The following SCFD2 variants were observed in gnomAD, a reference collection of about 807,000 sequenced individuals.
The protein encoded by SCFD2 is sec1 family domain containing 2, also known as sec1 family domain-containing protein 2.
SCFD2 carries 54 observed loss-of-function variants against 58.9 expected under a neutral mutation model. The ratio of observed to expected loss-of-function variants is 0.92; its 90% confidence interval spans 0.74 to 1.15. The LOEUF is 1.15. SCFD2 is among the 50% of genes most tolerant of loss of function. SCFD2 has a pLI of 0.00. For missense variants in SCFD2, 805 were observed against 836.6 expected (o/e 0.96, Z 0.47); for synonymous variants, 321 against 335.9 (o/e 0.96, Z 0.49).
chr4:53,032,316 T>C (rs1722635386), intron 5 of SCFD2, among the ~76,000 whole-genome samples: 2 of 152,236 alleles, frequency 1.3e-5, no homozygotes, highest in East Asian at 3.9e-4. Context: ...GAACAATCGG[T>C]ACCAGCCACT....
intron 2 of SCFD2, among the ~76,000 whole-genome samples, chr4:53,338,620 G>T (rs1321599829): frequency 9.8e-6 from 1 of 102,228 alleles, no homozygotes; most frequent in East Asian, 3.2e-4. Context: ...TCGCTCTGTC[G>T]CCCAGGCTGG....
chr4:53,353,170 T>C (rs879354076), intron 1 of SCFD2, among the ~76,000 whole-genome samples: 1 of 152,204 alleles, frequency 6.6e-6, no homozygotes, highest in East Asian at 1.9e-4. Flanking sequence ...TTCTTCCTTC[T>C]GGTGGGTTCG....
intron 4 of SCFD2, among the ~76,000 whole-genome samples, chr4:53,219,603 C>T (rs1728985484): frequency 6.6e-6 from 1 of 152,072 alleles, no homozygotes. Context: ...TGATGCCTTG[C>T]CCTGCTTCAG....
Position 53,057,542 on chromosome 4 carries a change from G to A in SCFD2, c.1561+87791C>T, listed in dbSNP as rs144891954. Among the ~76,000 whole-genome samples, 5 of 152,134 alleles carry A rather than the reference G, an allele frequency of 3.3e-5. No homozygotes were observed. The South Asian group carries it at 6.2e-4, about 19-fold the overall frequency. ...CAGAGAGGGGAACAACACACACCAC[G>A]GCCTGTTGAGGGGTGGGGGGTGAGG... On this transcript the variant is annotated intron_variant, in intron 5 of 8. Transcript: ENST00000401642.
chr4:52,965,796 A>G (rs1720950178), intron 5 of SCFD2, among the ~76,000 whole-genome samples: 1 of 152,188 alleles, frequency 6.6e-6, no homozygotes. Context: ...GGAGCTCACA[A>G]TTCATTCTTT....
chr4:52,987,702 G>T lies in SCFD2; in HGVS notation c.1562-66832C>A, dbSNP rs575800611. Among the ~76,000 whole-genome samples, 6 of 152,310 alleles carry T rather than the reference G, an allele frequency of 3.9e-5. 1 individual carries two copies. The South Asian group carries it at 1.2e-3, about 32-fold the overall frequency. ...CTCCAAGCAGTAGTATCTCTGTTCA[G>T]ATTCATTTATCTTGATTTTTTTCAT... On this transcript the variant is annotated intron_variant, in intron 5 of 8. Coordinates refer to ENST00000401642, the MANE Select transcript of SCFD2 (RefSeq NM_152540.4).
intron 4 of SCFD2, among the ~76,000 whole-genome samples, chr4:53,177,767 G>A (rs754132822): frequency 1.4e-4 from 21 of 152,294 alleles, no homozygotes; most frequent in East Asian, 5.8e-4. Context: ...AGAAAGCAGT[G>A]ACAGATGGCA....
chr4:52,879,258 C>T (rs1718549926), intron 8 of SCFD2, among the ~76,000 whole-genome samples: 2 of 152,168 alleles, frequency 1.3e-5, no homozygotes, highest in Non-Finnish European at 2.9e-5. Context: ...CATCTACCCA[C>T]CAGAATACCT....
At chr4:52,978,385 A>G (rs1292388324) in intron 5 of SCFD2, among the ~76,000 whole-genome samples, 1 of 152,160 alleles carries the variant, frequency 6.6e-6, no homozygotes, top group Non-Finnish European at 1.5e-5. Context: ...TCTAATTAGC[A>G]TCTGCTAGTA....
chr4:53,081,646 C>T (rs906970325), intron 5 of SCFD2, among the ~76,000 whole-genome samples: 15 of 152,076 alleles, frequency 9.9e-5, no homozygotes, highest in Admixed American at 2.0e-4. Context: ...TTTATAGGTT[C>T]TCTGTGTTGA....
At chr4:53,270,824 G>A (rs1208664695) in intron 4 of SCFD2, among the ~76,000 whole-genome samples, 2 of 152,130 alleles carry the variant, frequency 1.3e-5, no homozygotes, top group African/African-American at 2.4e-5. Context: ...TAAAAACACT[G>A]ATGGATAAAC....
chr4:52,962,141 T>G (rs1290713962), intron 5 of SCFD2, among the ~76,000 whole-genome samples: 3 of 152,190 alleles, frequency 2.0e-5, no homozygotes, highest in Non-Finnish European at 4.4e-5. Context: ...GTGGCCATGG[T>G]AATTCTTTAA....
intron 2 of SCFD2, among the ~76,000 whole-genome samples, chr4:53,333,478 T>C (rs1440418877): frequency 6.8e-6 from 1 of 147,930 alleles, no homozygotes; most frequent in Admixed American, 6.7e-5. Context: ...TTGACAAACC[T>C]GAGAAAAACA....
chr4:53,143,884 T>TTA (rs1476288364), intron 5 of SCFD2, among the ~76,000 whole-genome samples: 1 of 152,012 alleles, frequency 6.6e-6, no homozygotes, highest in Non-Finnish European at 1.5e-5. Context: ...CACATAGAAC[T>TTA]TTTAATAACT....
At position 53,366,049 on chromosome 4, in the gene SCFD2, G is replaced by T; in HGVS notation, c.-108C>A. ...GACTTTGACAGTCTCCACAGTACAC[G>T]TGGTCGGCCTCTGACACGCTCCCTG... On this transcript the variant is annotated 5_prime_UTR_variant, in exon 1 of 9. Transcript: ENST00000401642. The T allele has an allele frequency of 1.5e-6, 2 of 1,336,550 alleles. No homozygotes were observed. The highest frequency in any genetic ancestry group is 2.0e-6 in the Non-Finnish European group (2 of 990,790). 82.8% of individuals were successfully genotyped at this position (1,336,550 alleles called of 1,614,324 possible).
chr4:53,197,161 A>G (rs1335074506), intron 4 of SCFD2, among the ~76,000 whole-genome samples: 3 of 152,132 alleles, frequency 2.0e-5, no homozygotes, highest in Admixed American at 1.3e-4. Flanking sequence ...GGAACAGAGC[A>G]GCAACAACAT....
chr4:53,197,676 A>G (rs754245623), intron 4 of SCFD2, among the ~76,000 whole-genome samples: 3 of 151,604 alleles, frequency 2.0e-5, no homozygotes, highest in Non-Finnish European at 4.4e-5. Flanking sequence ...GTCATATTTC[A>G]AAAGCATGAA....
chr4:53,300,943 C>A (rs186739362), intron 3 of SCFD2, among the ~76,000 whole-genome samples: 2 of 151,992 alleles, frequency 1.3e-5, no homozygotes, highest in Non-Finnish European at 2.9e-5. Flanking sequence ...GGGACACATT[C>A]GAAGCAGTGT....
At chr4:53,174,799 T>A (rs1169833692) in intron 4 of SCFD2, among the ~76,000 whole-genome samples, 1 of 152,172 alleles carries the variant, frequency 6.6e-6, no homozygotes. Flanking sequence ...AAGCAGTAAG[T>A]CTTCATACCC....
Sources: allele counts gnomAD v4.1 joint callset (sites outside exome capture counted in the v4.1 genomes callset), GRCh38; gene constraint gnomAD v4.1.1; transcripts MANE v1.5; gene names NCBI Gene and HGNC (gene_info 2026-07-23, HGNC 2026-07-21).